UBR1: variants seen among roughly 807,000 people sequenced by gnomAD.
UBR1 encodes the protein ubiquitin protein ligase E3 component n-recognin 1, also known as E3 ubiquitin-protein ligase UBR1.
In UBR1, 102 loss-of-function variants were observed where a neutral mutation model predicts 242.1. The ratio of observed to expected loss-of-function variants is 0.42; its 90% CI spans 0.36 to 0.50. The LOEUF is 0.50. Among genes scored for constraint, UBR1 ranks in the 20% least tolerant of loss-of-function variants. The pLI is 0.01. For synonymous variants in UBR1, 675 were observed against 684.8 expected (o/e 0.99, Z 0.22); for missense variants, 1,772 against 2,101.8 (o/e 0.84, Z 3.07).
At chr15:43,067,117 A>G (rs781553458) in intron 6 of UBR1, among the ~76,000 whole-genome samples, 1 of 152,206 alleles carries the variant, frequency 6.6e-6, no homozygotes, top group Non-Finnish European at 1.5e-5. Flanking sequence ...CAAAGAGTTG[A>G]CTTATGGTTA....
rs917772057 is a variant in UBR1 at position 43,038,176 on chromosome 15, A to T, written c.1906T>A (p.Ser636Thr). Residue 636 changes from serine to threonine, a missense_variant, in exon 16 of 47, where the codon TCT (serine) becomes ACT (threonine). This residue lies in a region of UBR1 where 734 missense variants were observed against 893.3 expected (regional missense o/e 0.82). Coordinates refer to ENST00000290650, the MANE Select transcript of UBR1 (RefSeq NM_174916.3). The stretch of plus-strand genomic sequence containing the variant: ...TACTTAGTAGAATCACTTACAAAAG[A>T]CACAAATTCATGCAGTCTTGAAACA... The part of the protein sequence containing the change: ...GAVSRLHEFV[S>T]FEDFQVEVLV... 3 of 1,614,104 alleles carry T rather than the reference A, an allele frequency of 1.9e-6. No homozygotes were observed.
rs769272144 is a variant in UBR1, at chr15:42,984,000, T to C, written c.4054-7A>G. On this transcript the variant is annotated splice_region_variant and splice_polypyrimidine_tract_variant and intron_variant, in intron 36 of 46. Transcript: ENST00000290650. ...ATGCTTTCAGACCATTATGCTAGAT[T>C]GTAAGAGAGAAGGAAGATAAAAAGA... 1.9e-6 allele frequency: 3 copies of C among 1,608,954 alleles called. No homozygotes were observed. The highest frequency in any genetic ancestry group is 2.2e-5 in the South Asian group (2 of 90,692).
At position 43,001,896 on chromosome 15, in the gene UBR1, C is replaced by G. The variant is rs34714662; in HGVS notation, c.3659+659G>C. Reference sequence around the variant, plus strand: ...AAAAATAATACAAAGATCATTAGAGCTATCAGACTCCAACTGGCAACTCTA... The same window carrying G: ...AAAAATAATACAAAGATCATTAGAGGTATCAGACTCCAACTGGCAACTCTA... On this transcript the variant is annotated intron_variant, in intron 32 of 46. Transcript: ENST00000290650. Among the ~76,000 whole-genome samples the G allele has an allele frequency of 2.0e-5, 3 of 152,146 alleles. No individual in the cohort carries two copies. In the South Asian group the frequency reaches 6.2e-4, roughly 32 times the overall value.
At chr15:43,014,519 C>G (rs553249833) in intron 29 of UBR1, among the ~76,000 whole-genome samples, 9 of 151,680 alleles carry the variant, frequency 5.9e-5, no homozygotes, top group African/African-American at 2.2e-4. Context: ...ATGTGGGGAG[C>G]GCCTCTGCCC....
In UBR1 at chr15:42,952,445, G is replaced by C; in HGVS notation, c.4839C>G (p.Cys1613Trp). ...CLLNQASHFRCPRSADDERKH... is the reference protein window; with the variant it reads ...CLLNQASHFRWPRSADDERKH... ...TTCGCTCATCATCTGCAGACCGTGGGCACCTCAAAAGAGAAGAAAACATTT... is the reference window on the plus strand; with the variant it reads ...TTCGCTCATCATCTGCAGACCGTGGCCACCTCAAAAGAGAAGAAAACATTT... Residue 1613 changes from cysteine to tryptophan, a missense_variant, in exon 45 of 47, where the codon TGC becomes TGG. By Grantham distance (215) the Cys-to-Trp change is radical. Transcript: ENST00000290650. The C allele has an allele frequency of 6.2e-7, 1 of 1,614,198 alleles. No homozygotes were observed. Among genetic ancestry groups the C allele is most frequent in the South Asian group, 1.1e-5 (1 of 91,088 alleles).
intron 37 of UBR1, among the ~76,000 whole-genome samples, chr15:42,981,201 G>A (rs923292702): frequency 6.6e-6 from 1 of 152,032 alleles, no homozygotes; most frequent in Admixed American, 6.6e-5. Flanking sequence ...AAAGAATAAA[G>A]TTCAAACTTA....
At chr15:43,006,550 G>A (rs945380794) in intron 30 of UBR1, among the ~76,000 whole-genome samples, 6 of 152,164 alleles carry the variant, frequency 3.9e-5, no homozygotes, top group South Asian at 2.1e-4. Flanking sequence ...GATTACAGGC[G>A]TGAGCCACCA....
intron 12 of UBR1, among the ~76,000 whole-genome samples, chr15:43,048,980 A>ATT (rs2033519613): frequency 6.6e-6 from 1 of 152,236 alleles, no homozygotes; most frequent in Admixed American, 6.5e-5. Flanking sequence ...GTTTCAAGAG[A>ATT]TAAACAAACT....
rs182927920 is a variant in UBR1, at chr15:42,967,984, T to C, written c.4458-1698A>G. On this transcript the variant is annotated intron_variant, in intron 40 of 46. Coordinates refer to ENST00000290650, the MANE Select transcript of UBR1 (RefSeq NM_174916.3). ...GTAGTATGTACTGTTATACAATATA[T>C]GTACATATTGTATGTTATGTATATA... Among the ~76,000 whole-genome samples the C allele has an allele frequency of 2.4e-3, 371 of 151,476 alleles. 1 individual carries two copies. Among genetic ancestry groups the C allele is most frequent in the South Asian group, 0.011 (51 of 4,812 alleles).
chr15:43,011,371 A>G (rs1402449666), intron 29 of UBR1, among the ~76,000 whole-genome samples: 1 of 152,236 alleles, frequency 6.6e-6, no homozygotes, highest in Non-Finnish European at 1.5e-5. Context: ...CAGGGACAAA[A>G]TATGGTAAAC....
At chr15:43,005,852 G>GGT (rs1567122653) in intron 30 of UBR1, among the ~76,000 whole-genome samples, 1 of 146,932 alleles carries the variant, frequency 6.8e-6, no homozygotes, top group Non-Finnish European at 1.5e-5. Context: ...TTAAGGGCGG[G>GGT]GCAAGATGTG....
At chr15:43,058,686 T>G (rs1393790280) in intron 9 of UBR1, among the ~76,000 whole-genome samples, 1 of 152,236 alleles carries the variant, frequency 6.6e-6, no homozygotes, top group East Asian at 1.9e-4. Context: ...CTTTTCATTC[T>G]TTTTCTATTT....
At chr15:43,024,751 A>G in intron 25 of UBR1, 78 bp downstream of exon 25, 1 of 1,595,042 alleles carries the variant, frequency 6.3e-7, no homozygotes, top group Non-Finnish European at 8.6e-7. Context: ...GTTCCAACTG[A>G]AGTTAGACCT....
At chr15:43,085,163 T>G (rs2141360040) in intron 2 of UBR1, among the ~76,000 whole-genome samples, 1 of 152,360 alleles carries the variant, frequency 6.6e-6, no homozygotes, top group South Asian at 2.1e-4. Flanking sequence ...GGATTGTAGG[T>G]TTGGCAATAA....
At chr15:43,078,289 C>T (rs1224489456) in intron 3 of UBR1, among the ~76,000 whole-genome samples, 1 of 151,974 alleles carries the variant, frequency 6.6e-6, no homozygotes, top group Non-Finnish European at 1.5e-5. Context: ...AGTGGAAACC[C>T]CTAAAGATGT....
At chr15:42,961,113 T>C (rs1548096) in intron 42 of UBR1, among the ~76,000 whole-genome samples, 76,916 of 138,898 alleles carry the variant, frequency 0.55, 24,304 homozygotes, top group Non-Finnish European at 0.7. Flanking sequence ...ATGTTCCCCC[T>C]TTTTTTTTTT....
At chr15:42,987,168 T>C (rs2032477488) in intron 35 of UBR1, among the ~76,000 whole-genome samples, 2 of 152,180 alleles carry the variant, frequency 1.3e-5, no homozygotes, top group Admixed American at 6.5e-5. Context: ...TCAGTCCCCC[T>C]GGGGCAGCAA....
intron 19 of UBR1, among the ~76,000 whole-genome samples, 180 bp downstream of exon 19, chr15:43,035,998 G>A (rs1257521913): frequency 2.0e-5 from 3 of 151,946 alleles, no homozygotes; most frequent in Non-Finnish European, 2.9e-5. Flanking sequence ...GTTAGTGGGT[G>A]CAGCGCACCA....
intron 6 of UBR1, among the ~76,000 whole-genome samples, chr15:43,064,962 T>C (rs1194514994): frequency 6.6e-6 from 1 of 152,200 alleles, no homozygotes; most frequent in Non-Finnish European, 1.5e-5. Flanking sequence ...AAGATTGTCT[T>C]TTAAGGTCTT....
Sources: gnomAD v4.1 joint callset for allele counts (sites outside exome capture counted in the v4.1 genomes callset) on GRCh38, gnomAD v4.1.1 for gene constraint, gnomAD v4.1.1 regional missense constraint, MANE v1.5 for transcripts, NCBI Gene and HGNC (gene_info 2026-07-23, HGNC 2026-07-21) for gene names.